The following VAV2 variants were observed in gnomAD, a reference collection of about 807,000 sequenced individuals.
The protein encoded by VAV2 is vav guanine nucleotide exchange factor 2, also known as guanine nucleotide exchange factor VAV2.
A neutral mutation model predicts 132.5 loss-of-function variants in VAV2; 67 were observed. The ratio of observed to expected loss-of-function variants is 0.51; its 90% CI spans 0.42 to 0.62. The LOEUF (loss-of-function observed/expected upper bound fraction) is 0.62, where lower values mean the gene tolerates loss of function less well. VAV2 is among the 20% of genes least tolerant of loss of function. The pLI is 0.00. For synonymous variants in VAV2, 492 were observed against 443.5 expected, an observed-to-expected ratio of 1.11 and a Z score of -1.37; for missense variants, 938 against 1,153.6, an observed-to-expected ratio of 0.81 and a Z score of 2.71.
At chr9:133,806,720 G>A (rs1835161206) in intron 8 of VAV2, among the ~76,000 whole-genome samples, 1 of 152,226 alleles carries the variant, frequency 6.6e-6, no homozygotes, top group African/African-American at 2.4e-5. Context: ...AGGGAGGCAG[G>A]ACACAGCCAC....
intron 1 of VAV2, among the ~76,000 whole-genome samples, chr9:133,949,323 A>G (rs621569): frequency 0.41 from 62,673 of 151,850 alleles, 13,024 homozygotes; most frequent in Non-Finnish European, 0.42. Flanking sequence ...CACTTTCCAC[A>G]AGGTCTCCTG....
chr9:133,988,785 G>T (rs1842931286), intron 1 of VAV2, among the ~76,000 whole-genome samples: 1 of 152,090 alleles, frequency 6.6e-6, no homozygotes, highest in African/African-American at 2.4e-5. Context: ...AGCTGGGTGT[G>T]GGTGGGGCAC....
chr9:133,782,660 C>T (rs576908375), intron 19 of VAV2, among the ~76,000 whole-genome samples: 122 of 152,342 alleles, frequency 8.0e-4, no homozygotes, highest in Non-Finnish European at 1.7e-3. Flanking sequence ...CTTAAGACAC[C>T]TTCAGGAGGC....
chr9:133,809,283 C>G, intron 6 of VAV2, 145 bp from the exon 7 acceptor site: 1 of 633,654 alleles, frequency 1.6e-6, no homozygotes, highest in Admixed American at 2.8e-5. Flanking sequence ...AGTGCTGCAG[C>G]CAGATGGGTG....
chr9:133,973,476 C>T (rs1842407219), intron 1 of VAV2, among the ~76,000 whole-genome samples: 1 of 152,238 alleles, frequency 6.6e-6, no homozygotes, highest in South Asian at 2.1e-4. Context: ...CTGGTCCTGA[C>T]CCTGGAGGTG....
chr9:133,861,484 G>A, intron 2 of VAV2, 52 bp from the exon 3 acceptor site: 1 of 1,599,864 alleles, frequency 6.3e-7, no homozygotes, highest in Non-Finnish European at 8.5e-7. Flanking sequence ...AACCAGAAAG[G>A]CATCACAGAA....
chr9:133,778,663 C>A (rs1833899101), intron 22 of VAV2, 99 bp downstream of exon 22: 8 of 1,493,778 alleles, frequency 5.4e-6, no homozygotes, highest in Non-Finnish European at 5.3e-6. Flanking sequence ...CACCTCTCTG[C>A]CTCTGCCTGG....
chr9:133,931,391 C>T (rs570750218), intron 2 of VAV2, among the ~76,000 whole-genome samples: 1 of 63,504 alleles, frequency 1.6e-5, no homozygotes, highest in South Asian at 7.8e-4. Flanking sequence ...CCAGAAGCAC[C>T]TGCGCCCAGG....
chr9:133,947,194 A>C (rs383749), intron 1 of VAV2, among the ~76,000 whole-genome samples: 329 of 152,286 alleles, frequency 2.2e-3, no homozygotes, highest in Non-Finnish European at 3.8e-3. Context: ...ATCTCTTCCG[A>C]AAACAAGCAA....
chr9:133,813,338 G>A (rs1308056399), intron 4 of VAV2, among the ~76,000 whole-genome samples: 3 of 152,232 alleles, frequency 2.0e-5, no homozygotes, highest in Non-Finnish European at 4.4e-5. Context: ...GACAGAAGCC[G>A]GGGCAGGAGC....
At chr9:133,936,180 C>T (rs1840900850) in intron 2 of VAV2, among the ~76,000 whole-genome samples, 3 of 151,768 alleles carry the variant, frequency 2.0e-5, no homozygotes, top group Admixed American at 2.0e-4. Context: ...AGCCAGCCTG[C>T]CGGGGTCCAA....
At chr9:133,968,260 C>T (rs2132247442) in intron 1 of VAV2, among the ~76,000 whole-genome samples, 1 of 152,186 alleles carries the variant, frequency 6.6e-6, no homozygotes, top group African/African-American at 2.4e-5. Flanking sequence ...CCTAATGACC[C>T]TCATTTCATC....
At position 133,774,831 on chromosome 9, in the gene VAV2, T is replaced by C. The variant is rs1833757313; in HGVS notation, c.2135+104A>G. ...TGTCCTCACTTGGCAACAGATGACA[T>C]GTCCACCCCAACCCCACGAGCTCAG... On this transcript the variant is annotated intron_variant, in intron 25 of 29. Transcript: ENST00000371850. 22 of 1,020,476 alleles carry C rather than the reference T, an allele frequency of 2.2e-5. No homozygotes were observed. The South Asian group carries it at 2.7e-4, about 12-fold the overall frequency. The allele number at this position is 1,020,476 out of a possible 1,614,324, so 63.2% of individuals were successfully genotyped here.
rs77136970 is a variant in VAV2, at chr9:133,909,016, C to T, written c.321+30087G>A. Among the ~76,000 whole-genome samples, 1,204 of 152,334 alleles carry T rather than the reference C, an allele frequency of 7.9e-3. 20 individuals are homozygous for T. Among genetic ancestry groups the T allele is most frequent in the African/African-American group, 0.027 (1,128 of 41,574 alleles). ...GGAATGATTGGGAATGAACCTGATC[C>T]GGTAAGAACATCGAACTCAAAAAGA... On this transcript the variant is annotated intron_variant, in intron 2 of 29. Transcript: ENST00000371850.
At chr9:133,977,523 C>T (rs1172036930) in intron 1 of VAV2, among the ~76,000 whole-genome samples, 4 of 152,218 alleles carry the variant, frequency 2.6e-5, no homozygotes, top group African/African-American at 7.2e-5. Context: ...ACCGGGGACA[C>T]GTGGCAATGG....
chr9:133,937,539 AGT>A (rs71380264), intron 2 of VAV2, among the ~76,000 whole-genome samples: 56,323 of 148,332 alleles, frequency 0.38, 11,202 homozygotes, highest in Middle Eastern at 0.5. Flanking sequence ...TGTGTGTGAG[AGT>A]GTGTGTGTGT....
chr9:133,910,148 T>A (rs1338467097), intron 2 of VAV2, among the ~76,000 whole-genome samples: 3 of 152,180 alleles, frequency 2.0e-5, no homozygotes, highest in Non-Finnish European at 4.4e-5. Context: ...GAAGAAGTGA[T>A]GGCTGGAGCT....
intron 4 of VAV2, among the ~76,000 whole-genome samples, chr9:133,817,834 C>T (rs904478250): frequency 2.2e-4 from 33 of 152,222 alleles, no homozygotes; most frequent in African/African-American, 6.5e-4. Context: ...ATTTGTCGTA[C>T]GTTTTCCTCT....
chr9:133,857,661 G>A lies in VAV2; in HGVS notation c.380+3713C>T, dbSNP rs1053630749. 6.6e-6 allele frequency among the ~76,000 whole-genome samples: 1 copy of A among 152,168 alleles called. No homozygotes were observed. Among genetic ancestry groups the A allele is most frequent in the African/African-American group, 2.4e-5 (1 of 41,430 alleles). ...AAGTGCTGGTGGCTGCCCCCAGAAG[G>A]TTCAATTCCCCATGGAAATCCCAGC... On this transcript the variant is annotated intron_variant, in intron 3 of 29. Transcript: ENST00000371850. The surrounding 1 kb of genome is among the most constrained non-coding windows in gnomAD (Gnocchi z 4.0).
Sources: gnomAD v4.1 joint callset for allele counts (sites outside exome capture counted in the v4.1 genomes callset) on GRCh38, gnomAD v4.1.1 for gene constraint, Gnocchi (gnomAD v3.1) non-coding constraint, MANE v1.5 for transcripts, NCBI Gene and HGNC (gene_info 2026-07-23, HGNC 2026-07-21) for gene names.